Variants in NRP2 observed in about 807,000 individuals in gnomAD.
NRP2 encodes neuropilin 2, also known as neuropilin-2.
NRP2 carries 52 observed loss-of-function variants against 110.4 expected under a neutral mutation model. The ratio of observed to expected loss-of-function variants is 0.47; its 90% CI spans 0.38 to 0.59. The LOEUF is 0.59. Among genes scored for constraint, NRP2 ranks in the 20% least tolerant of loss-of-function variants. NRP2 has a pLI of 0.00. For missense variants in NRP2, 1,049 were observed against 1,203.0 expected (o/e 0.87, Z 1.89); for synonymous variants, 508 against 468.9 (o/e 1.08, Z -1.08).
intron 3 of NRP2, chr2:205,722,255 C>T (rs1239491435): frequency 1.7e-6 from 1 of 584,546 alleles, no homozygotes; most frequent in East Asian, 3.0e-5. Flanking sequence ...TCAATTGCTG[C>T]TCTCACTCTA....
At chr2:205,685,200 G>A (rs1218049144) in intron 1 of NRP2, among the ~76,000 whole-genome samples, 4 of 152,220 alleles carry the variant, frequency 2.6e-5, no homozygotes, top group South Asian at 4.1e-4. Flanking sequence ...CCCCAGCAGT[G>A]CTGCGTCACT....
chr2:205,771,900 T>C (rs1298538080), intron 15 of NRP2, among the ~76,000 whole-genome samples: 1 of 152,250 alleles, frequency 6.6e-6, no homozygotes, highest in Non-Finnish European at 1.5e-5. Context: ...GTGTCTGTGT[T>C]CCAACAAAAA....
rs1486750842 is a variant in NRP2, at chr2:205,716,387, A to G, written c.433+13A>G. ...ATCTTCAAGACAGGTCAGTGTGGTC[A>G]CACGTAGGGGCCGGGAGATGGGCGT... On this transcript the variant is annotated intron_variant, in intron 3 of 16. Coordinates refer to ENST00000357785, the MANE Select transcript of NRP2 (RefSeq NM_003872.3). 1.9e-6 allele frequency: 3 copies of G among 1,613,342 alleles called. No homozygotes were observed. The highest frequency in any genetic ancestry group is 2.5e-6 in the Non-Finnish European group (3 of 1,179,980).
intron 14 of NRP2, among the ~76,000 whole-genome samples, chr2:205,765,912 C>G (rs1190629078): frequency 1.3e-5 from 2 of 152,158 alleles, no homozygotes; most frequent in African/African-American, 4.8e-5. Flanking sequence ...AAATTATATG[C>G]TGGAAAGGTT....
At chr2:205,729,185 G>A (rs952389112) in intron 7 of NRP2, among the ~76,000 whole-genome samples, 1 of 152,212 alleles carries the variant, frequency 6.6e-6, no homozygotes, top group South Asian at 2.1e-4. Flanking sequence ...AGTCTCACTT[G>A]GGAAACGGGA....
intron 1 of NRP2, among the ~76,000 whole-genome samples, chr2:205,687,910 G>A (rs1037610254): frequency 6.6e-6 from 1 of 152,190 alleles, no homozygotes. Context: ...AGTGAGGAGA[G>A]ACACCAGGGA....
chr2:205,699,425 C>T (rs537111988), intron 2 of NRP2, among the ~76,000 whole-genome samples: 7 of 152,322 alleles, frequency 4.6e-5, no homozygotes, highest in Middle Eastern at 3.4e-3. Flanking sequence ...GGGCCAAATT[C>T]TGTTATGCTT....
chr2:205,752,580 A>G (rs1462077681), intron 11 of NRP2: 3 of 502,182 alleles, frequency 6.0e-6, no homozygotes, highest in Middle Eastern at 5.6e-4. Context: ...GCCTGAAGCC[A>G]TTTGGTAGCC....
Position 205,727,927 on chromosome 2 carries a change from G to A in NRP2, c.1027G>A (p.Ala343Thr), listed in dbSNP as rs555467484. 19 of 1,613,972 alleles carry A rather than the reference G, an allele frequency of 1.2e-5. No individual in the cohort carries two copies. The highest frequency in any genetic ancestry group is 6.7e-5 in the Admixed American group (4 of 59,990). The part of the protein sequence containing the change: ...LRFLTMLTAI[A>T]TQGAISRETQ... Reference sequence around the variant, plus strand: ...CTTTTTAACCATGCTCACGGCCATCGCAACACAGGGAGCGATTTCCAGGGA... The same window carrying A: ...CTTTTTAACCATGCTCACGGCCATCACAACACAGGGAGCGATTTCCAGGGA... The change falls in exon 7 of 17, where the codon GCA (alanine) becomes ACA (threonine). Residue 343 changes from alanine to threonine, a missense_variant. By Grantham distance (58) the Ala-to-Thr change is moderately conservative. Transcript: ENST00000357785.
chr2:205,718,982 T>A (rs926948298), intron 3 of NRP2, among the ~76,000 whole-genome samples: 1 of 147,304 alleles, frequency 6.8e-6, no homozygotes. Flanking sequence ...AGTGCAGAAA[T>A]GTGCAAGGGA....
chr2:205,724,654 CTTTTTT>C (rs35094496), intron 5 of NRP2, among the ~76,000 whole-genome samples: 3 of 80,370 alleles, frequency 3.7e-5, no homozygotes, highest in Non-Finnish European at 7.0e-5. Flanking sequence ...CAAACGATAA[CTTTTTT>C]TTTTTTTTTT....
chr2:205,743,894 C>T (rs1163417176), intron 9 of NRP2, among the ~76,000 whole-genome samples: 1 of 152,140 alleles, frequency 6.6e-6, no homozygotes, highest in Non-Finnish European at 1.5e-5. Context: ...CAGGTGCCCG[C>T]CACCACACCT....
intron 2 of NRP2, among the ~76,000 whole-genome samples, chr2:205,712,131 G>A (rs1444574449): frequency 6.6e-6 from 1 of 152,136 alleles, no homozygotes; most frequent in African/African-American, 2.4e-5. Flanking sequence ...CTAGACAAAT[G>A]CTCACCATGC....
intron 15 of NRP2, among the ~76,000 whole-genome samples, chr2:205,774,583 A>C (rs1299270575): frequency 6.6e-6 from 1 of 152,204 alleles, no homozygotes; most frequent in Non-Finnish European, 1.5e-5. Context: ...CCCTAGCGGA[A>C]GGGGATTCAT....
intron 12 of NRP2, among the ~76,000 whole-genome samples, chr2:205,755,276 T>C (rs2105901715): frequency 6.6e-6 from 1 of 152,304 alleles, no homozygotes; most frequent in Non-Finnish European, 1.5e-5. Context: ...TTCCAACCTT[T>C]GGCTGAATGG....
chr2:205,718,063 G>A (rs1052010239), intron 3 of NRP2, among the ~76,000 whole-genome samples: 1 of 152,116 alleles, frequency 6.6e-6, no homozygotes, highest in Non-Finnish European at 1.5e-5. Flanking sequence ...CAATAGCAAG[G>A]TCCCTAGTGC....
intron 1 of NRP2, among the ~76,000 whole-genome samples, chr2:205,691,375 CA>C (rs1014532518): frequency 2.2e-4 from 34 of 152,140 alleles, no homozygotes; most frequent in African/African-American, 7.5e-4. Flanking sequence ...AAGGGCATAC[CA>C]GGGGAAGGGG....
intron 2 of NRP2, among the ~76,000 whole-genome samples, chr2:205,707,907 C>T (rs774539192): frequency 4.6e-5 from 7 of 152,184 alleles, no homozygotes; most frequent in Non-Finnish European, 7.3e-5. Context: ...ACCACCCATG[C>T]AGGCAGCCCC....
chr2:205,740,187 T>C (rs1043157849), intron 7 of NRP2, among the ~76,000 whole-genome samples: 1 of 152,232 alleles, frequency 6.6e-6, no homozygotes, highest in Non-Finnish European at 1.5e-5. Context: ...ATATTTTTAC[T>C]TCATTTTAAA....
Sources: gnomAD v4.1 joint callset for allele counts (sites outside exome capture counted in the v4.1 genomes callset) on GRCh38, gnomAD v4.1.1 for gene constraint, MANE v1.5 for transcripts, NCBI Gene and HGNC (gene_info 2026-07-23, HGNC 2026-07-21) for gene names.